PRKN: variants seen among roughly 807,000 people sequenced by gnomAD.
The protein encoded by PRKN is parkin RBR E3 ubiquitin protein ligase.
PRKN carries 56 observed loss-of-function variants against 59.5 expected under a neutral mutation model. The ratio of observed to expected loss-of-function variants is 0.94; its 90% confidence interval spans 0.76 to 1.18. PRKN has a LOEUF of 1.18. Ranked by LOEUF, PRKN falls within the 50% of genes most tolerant of loss-of-function variation. The pLI, the probability that PRKN is intolerant of heterozygous loss-of-function variation, is 0.00. For synonymous variants in PRKN, 250 were observed against 222.1 expected, an observed-to-expected ratio of 1.13 and a Z score of -1.12; for missense variants, 657 against 596.4, an observed-to-expected ratio of 1.10 and a Z score of -1.06.
At chr6:162,707,515 T>C (rs554822892) in intron 1 of PRKN, among the ~76,000 whole-genome samples, 1 of 152,140 alleles carries the variant, frequency 6.6e-6, no homozygotes, top group East Asian at 1.9e-4. Flanking sequence ...TATCTTTGTA[T>C]TGATTTTAAA....
chr6:162,671,308 G>A (rs1779307820), intron 1 of PRKN, among the ~76,000 whole-genome samples: 1 of 152,048 alleles, frequency 6.6e-6, no homozygotes, highest in South Asian at 2.1e-4. Context: ...AGACCATCCT[G>A]GCCAACATGG....
intron 7 of PRKN, among the ~76,000 whole-genome samples, chr6:161,632,657 G>T (rs967371570): frequency 1.3e-5 from 2 of 152,250 alleles, no homozygotes; most frequent in East Asian, 3.9e-4. Context: ...CTCAAGACTG[G>T]GTAATTTATA....
At chr6:162,235,517 ACTC>A (rs1778616020) in intron 3 of PRKN, among the ~76,000 whole-genome samples, 1 of 151,984 alleles carries the variant, frequency 6.6e-6, no homozygotes, top group Non-Finnish European at 1.5e-5. Flanking sequence ...TTAAAGAAAT[ACTC>A]CTCATGGCCG....
chr6:161,474,990 C>T (rs564111144), intron 9 of PRKN, among the ~76,000 whole-genome samples: 84 of 151,816 alleles, frequency 5.5e-4, no homozygotes, highest in African/African-American at 1.9e-3. Context: ...CTGCAACCTC[C>T]GCCTCCTGGG....
chr6:161,465,413 A>G (rs1015257495), intron 9 of PRKN, among the ~76,000 whole-genome samples: 2 of 151,722 alleles, frequency 1.3e-5, no homozygotes, highest in African/African-American at 4.8e-5. Flanking sequence ...CATGCAGTAC[A>G]AGTCTGATGG....
At chr6:161,639,562 T>C (rs1220523824) in intron 7 of PRKN, among the ~76,000 whole-genome samples, 2 of 152,136 alleles carry the variant, frequency 1.3e-5, no homozygotes, top group East Asian at 1.9e-4. Context: ...TCAACCCTGT[T>C]TGCCTGCACT....
chr6:162,700,920 T>A (rs925278294), intron 1 of PRKN, among the ~76,000 whole-genome samples: 2 of 152,092 alleles, frequency 1.3e-5, no homozygotes, highest in African/African-American at 4.8e-5. Context: ...AGGTTTTCCT[T>A]TACCTCATGA....
chr6:161,763,205 G>T (rs144609927), intron 7 of PRKN, among the ~76,000 whole-genome samples: 1 of 152,064 alleles, frequency 6.6e-6, no homozygotes, highest in Non-Finnish European at 1.5e-5. Context: ...TGCCCAAATC[G>T]TGCGACTCTC....
chr6:161,404,817 A>T (rs1787190236), intron 9 of PRKN, among the ~76,000 whole-genome samples: 1 of 152,212 alleles, frequency 6.6e-6, no homozygotes, highest in African/African-American at 2.4e-5. Flanking sequence ...ACAGATGGCC[A>T]CACCTGCCCC....
At chr6:161,969,651 T>C (rs972644958) in intron 6 of PRKN, among the ~76,000 whole-genome samples, 7 of 152,164 alleles carry the variant, frequency 4.6e-5, no homozygotes, top group African/African-American at 1.7e-4. Context: ...AGGGAGTCTG[T>C]TCAGTCAGTT....
chr6:161,425,921 G>A (rs959354629), intron 9 of PRKN, among the ~76,000 whole-genome samples: 11 of 152,036 alleles, frequency 7.2e-5, no homozygotes, highest in Non-Finnish European at 1.3e-4. Flanking sequence ...CCTGAAAAGT[G>A]CAGTGGTCTG....
chr6:162,021,189 TATATATA>T (rs374911034), intron 5 of PRKN, among the ~76,000 whole-genome samples: 9,128 of 130,684 alleles, frequency 0.07, 632 homozygotes, highest in Middle Eastern at 0.12. Context: ...ATATATATTA[TATATATA>T]ATATATATAA....
chr6:161,531,836 G>A (rs1048173522), intron 9 of PRKN, among the ~76,000 whole-genome samples: 1 of 152,124 alleles, frequency 6.6e-6, no homozygotes. Flanking sequence ...AAATGGAGGT[G>A]CTCAGGGATG....
Position 162,166,070 on chromosome 6 carries a change from A to G in PRKN, c.534+35061T>C, listed in dbSNP as rs983364983. Reference sequence around the variant, plus strand: ...CTCAAAAAAAAAAAAAAAAAAAAAAAAGAGAAATAAAAGCATCTGTTTAAA... The same window carrying G: ...CTCAAAAAAAAAAAAAAAAAAAAAAGAGAGAAATAAAAGCATCTGTTTAAA... On this transcript the variant is annotated intron_variant, in intron 4 of 11. Coordinates refer to ENST00000366898, the MANE Select transcript of PRKN (RefSeq NM_004562.3). 2.0e-3 allele frequency among the ~76,000 whole-genome samples: 304 copies of G among 148,600 alleles called. 2 individuals carry two copies. Among genetic ancestry groups the G allele is most frequent in the African/African-American group, 7.1e-3 (284 of 39,866 alleles).
At chr6:162,308,349 G>A (rs4709595) in intron 2 of PRKN, among the ~76,000 whole-genome samples, 1 of 151,944 alleles carries the variant, frequency 6.6e-6, no homozygotes, top group African/African-American at 2.4e-5. Context: ...GAACAAAATG[G>A]GTTGGAATAA....
intron 2 of PRKN, among the ~76,000 whole-genome samples, chr6:162,425,304 A>G (rs974343211): frequency 2.0e-5 from 3 of 152,172 alleles, no homozygotes; most frequent in Admixed American, 6.5e-5. Flanking sequence ...CCAGCCTGCC[A>G]CGAAGCAGCC....
intron 1 of PRKN, among the ~76,000 whole-genome samples, chr6:162,610,702 G>C (rs1036717265): frequency 6.6e-6 from 1 of 151,994 alleles, no homozygotes; most frequent in African/African-American, 2.4e-5. Context: ...TTTCAAAACA[G>C]ATTATATTGC....
At chr6:161,978,871 TG>T (rs1562434578) in intron 5 of PRKN, among the ~76,000 whole-genome samples, 1 of 152,204 alleles carries the variant, frequency 6.6e-6, no homozygotes, top group Non-Finnish European at 1.5e-5. Flanking sequence ...CAGAGTATTC[TG>T]GGGGAGCAGC....
chr6:162,300,450 T>C (rs1025219527), intron 2 of PRKN, among the ~76,000 whole-genome samples: 11 of 152,172 alleles, frequency 7.2e-5, no homozygotes, highest in African/African-American at 2.7e-4. Context: ...AAAATGCTTA[T>C]TTTAGGTCTC....
Sources: allele counts gnomAD v4.1 joint callset (sites outside exome capture counted in the v4.1 genomes callset), GRCh38; gene constraint gnomAD v4.1.1; transcripts MANE v1.5; gene names NCBI Gene and HGNC (gene_info 2026-07-23, HGNC 2026-07-21).